The following RASGEF1A variants were observed in gnomAD, a reference collection of about 807,000 sequenced individuals.
RASGEF1A encodes RasGEF domain family member 1A.
A neutral mutation model predicts 56.4 loss-of-function variants in RASGEF1A; 18 were observed. That is an observed-to-expected ratio of 0.32 (90% CI 0.22 to 0.47). RASGEF1A has a LOEUF of 0.47. RASGEF1A is among the 20% of genes least tolerant of loss of function. The pLI is 1.00. For missense variants in RASGEF1A, 422 were observed against 627.1 expected, an observed-to-expected ratio of 0.67 and a Z score of 3.49; for synonymous variants, 245 against 242.6, an observed-to-expected ratio of 1.01 and a Z score of -0.09.
At chr10:43,236,617 T>C (rs2133214662) in intron 1 of RASGEF1A, among the ~76,000 whole-genome samples, 1 of 152,348 alleles carries the variant, frequency 6.6e-6, no homozygotes, top group Non-Finnish European at 1.5e-5. Flanking sequence ...CATTTAGCCT[T>C]ATCAAGTGCT....
intron 1 of RASGEF1A, among the ~76,000 whole-genome samples, chr10:43,257,602 C>G (rs1302805059): frequency 2.0e-5 from 3 of 152,184 alleles, no homozygotes; most frequent in African/African-American, 7.2e-5. Context: ...GCGCTTCCCC[C>G]GGGCCTCCCC....
At chr10:43,210,474 A>T (rs1840051003) in intron 1 of RASGEF1A, among the ~76,000 whole-genome samples, 1 of 152,214 alleles carries the variant, frequency 6.6e-6, no homozygotes, top group Admixed American at 6.5e-5. Flanking sequence ...ACCCTGCCTC[A>T]ATCAATCAAT....
Position 43,200,779 on chromosome 10 carries a change from G to GC in RASGEF1A, c.568dup (p.Ala190GlyfsTer37). 1 of 1,613,890 alleles carries GC rather than the reference G, an allele frequency of 6.2e-7. No homozygotes were observed. The highest frequency in any genetic ancestry group is 8.5e-7 in the Non-Finnish European group (1 of 1,180,022). ...CTTGAGGATGGGCCCCTTGTCTACA[G>GC]CCGGTGGCCGGAGCTTCTCTCGCAG... is the stretch of plus-strand genomic sequence containing the variant. On this transcript the variant is annotated frameshift_variant, in exon 5 of 13. Transcript: ENST00000395810. LOFTEE classifies it high-confidence loss of function.
intron 1 of RASGEF1A, among the ~76,000 whole-genome samples, chr10:43,243,181 C>A (rs1321922798): frequency 2.0e-5 from 3 of 151,218 alleles, no homozygotes; most frequent in Admixed American, 2.0e-4. Flanking sequence ...CTCTGCCTGG[C>A]CGCCCCCGTC....
At chr10:43,230,380 C>T (rs1840350064) in intron 1 of RASGEF1A, among the ~76,000 whole-genome samples, 1 of 152,214 alleles carries the variant, frequency 6.6e-6, no homozygotes, top group Non-Finnish European at 1.5e-5. Flanking sequence ...GAGGCTCCTC[C>T]CGCCCCCAGA....
chr10:43,242,542 G>A lies in RASGEF1A; in HGVS notation c.-7+24303C>T, dbSNP rs186049218. On this transcript the variant is annotated intron_variant, in intron 1 of 12. Transcript: ENST00000395810. ...TCTCTCCCTCTCGCTCTCGCTCTCC[G>A]TCTCCCTCTTTCTACCGTCTCCCTC... is the stretch of plus-strand genomic sequence containing the variant. 7.3e-4 allele frequency among the ~76,000 whole-genome samples: 110 copies of A among 151,386 alleles called. 1 individual carries two copies. Among genetic ancestry groups the A allele is most frequent in the Non-Finnish European group, 1.0e-3 (69 of 67,798 alleles).
intron 1 of RASGEF1A, among the ~76,000 whole-genome samples, chr10:43,229,406 G>C (rs1195837113): frequency 6.6e-6 from 1 of 152,298 alleles, no homozygotes; most frequent in African/African-American, 2.4e-5. Flanking sequence ...CTGTGCTCTC[G>C]GCGTCCGCGG....
At chr10:43,226,049 G>T (rs1365199315) in intron 1 of RASGEF1A, among the ~76,000 whole-genome samples, 1 of 152,216 alleles carries the variant, frequency 6.6e-6, no homozygotes, top group African/African-American at 2.4e-5. Context: ...ATTCCCCGAG[G>T]CTGAGACCAC....
intron 1 of RASGEF1A, among the ~76,000 whole-genome samples, chr10:43,258,085 G>A (rs970623669): frequency 3.3e-5 from 5 of 152,248 alleles, no homozygotes; most frequent in African/African-American, 1.2e-4. Context: ...GATCTCAGGC[G>A]AAAGCTGCCT....
At position 43,200,869 on chromosome 10, in the gene RASGEF1A, T is replaced by C. The variant is rs1269867568; in HGVS notation, c.479A>G (p.Lys160Arg). 5 of 1,613,832 alleles carry C rather than the reference T, an allele frequency of 3.1e-6. No individual in the cohort carries two copies. The highest frequency in any genetic ancestry group is 1.7e-5 in the Admixed American group (1 of 60,006). The change falls in exon 5 of 13, where the codon AAG becomes AGG. Residue 160 changes from lysine (K) to arginine (R), a missense_variant. By Grantham distance (26) the Lys-to-Arg change is conservative. This residue lies in a region of RASGEF1A where 273 missense variants were observed against 339.9 expected (regional missense o/e 0.80). Coordinates refer to ENST00000395810, the MANE Select transcript of RASGEF1A (RefSeq NM_145313.4). ...GCTCTGTGTCATCTGGGCAATGGCCTTCTTCACTGTGCCATTCTCCTGTGG... is the reference window on the plus strand; with the variant it reads ...GCTCTGTGTCATCTGGGCAATGGCCCTCTTCACTGTGCCATTCTCCTGTGG... Reference protein sequence around the residue: ...QCDEENGTVKKAIAQMTQSLL... With the variant: ...QCDEENGTVKRAIAQMTQSLL...
intron 1 of RASGEF1A, among the ~76,000 whole-genome samples, chr10:43,253,269 T>C (rs1225367064): frequency 6.6e-6 from 1 of 152,208 alleles, no homozygotes; most frequent in Non-Finnish European, 1.5e-5. Flanking sequence ...TTTGAGGTCC[T>C]TGTAGCTCCC....
At chr10:43,234,404 C>T (rs1027515875) in intron 1 of RASGEF1A, among the ~76,000 whole-genome samples, 4 of 152,118 alleles carry the variant, frequency 2.6e-5, no homozygotes, top group Non-Finnish European at 5.9e-5. Context: ...TTCTAAAAGG[C>T]ACAGCCTACA....
At chr10:43,206,760 G>A (rs1032771099) in intron 1 of RASGEF1A, 5 of 986,426 alleles carry the variant, frequency 5.1e-6, no homozygotes, top group East Asian at 1.1e-4. Flanking sequence ...CAGGAGTGGC[G>A]AGCAGGGCCA....
Position 43,196,824 on chromosome 10 carries a change from C to T in RASGEF1A, c.1348+152G>A, listed in dbSNP as rs1187042558. On this transcript the variant is annotated intron_variant, in intron 11 of 12. Transcript: ENST00000395810. This position sits in a 1 kb window ranked among gnomAD's most constrained non-coding sequence, Gnocchi z 4.6. Reference sequence around the variant, plus strand: ...CTCTTCCATCCATCCCATGACCCACCCTCATGCACACTCGCCCCTGCGAGC... The same window carrying T: ...CTCTTCCATCCATCCCATGACCCACTCTCATGCACACTCGCCCCTGCGAGC... 2.1e-6 allele frequency: 2 copies of T among 947,080 alleles called. No individual in the cohort carries two copies. Among genetic ancestry groups the T allele is most frequent in the East Asian group, 5.2e-5 (2 of 38,416 alleles). The allele number at this position is 947,080 out of a possible 1,614,324, so 58.7% of individuals were successfully genotyped here.
chr10:43,258,733 ACACCCACCATC>A (rs1836473904), intron 1 of RASGEF1A, among the ~76,000 whole-genome samples: 1 of 152,144 alleles, frequency 6.6e-6, no homozygotes. Context: ...TGTGCCACCC[ACACCCACCATC>A]CACCCACTCA....
chr10:43,238,071 T>C (rs888325833), intron 1 of RASGEF1A, among the ~76,000 whole-genome samples: 5 of 122,082 alleles, frequency 4.1e-5, no homozygotes, highest in East Asian at 3.0e-4. Flanking sequence ...TTAGCCATCA[T>C]AGATTGAGAC....
chr10:43,249,014 G>C (rs946088583), intron 1 of RASGEF1A, among the ~76,000 whole-genome samples: 4 of 152,150 alleles, frequency 2.6e-5, no homozygotes, highest in Admixed American at 6.5e-5. Flanking sequence ...GCTGGAGAAG[G>C]CTCCTCAGAT....
intron 1 of RASGEF1A, among the ~76,000 whole-genome samples, chr10:43,226,024 G>T (rs914299569): frequency 6.6e-6 from 1 of 152,108 alleles, no homozygotes; most frequent in Non-Finnish European, 1.5e-5. Context: ...CGGTGACAGG[G>T]GTGGGGGCTG....
At chr10:43,197,130 C>T in intron 10 of RASGEF1A, 31 bp from the exon 11 acceptor site, 2 of 1,610,364 alleles carry the variant, frequency 1.2e-6, no homozygotes, top group Non-Finnish European at 1.7e-6. Flanking sequence ...TGATGTTCAT[C>T]TGTCACCTTA....
Sources: gnomAD v4.1 joint callset for allele counts (sites outside exome capture counted in the v4.1 genomes callset) on GRCh38, gnomAD v4.1.1 for gene constraint, gnomAD v4.1.1 regional missense constraint, Gnocchi (gnomAD v3.1) non-coding constraint, MANE v1.5 for transcripts, NCBI Gene and HGNC (gene_info 2026-07-23, HGNC 2026-07-21) for gene names.